Variants in TMEM65 observed in about 807,000 individuals in gnomAD.
The protein encoded by TMEM65 is transmembrane protein 65.
In TMEM65, 22 loss-of-function variants were observed where a neutral mutation model predicts 25.4. That is an observed-to-expected ratio of 0.86 (90% CI 0.62 to 1.23). TMEM65 has a LOEUF of 1.23. Ranked by LOEUF, TMEM65 falls within the 50% of genes most tolerant of loss-of-function variation. The pLI is 0.00. For synonymous variants in TMEM65, 132 were observed against 126.2 expected (o/e 1.05, Z -0.31); for missense variants, 262 against 308.2 (o/e 0.85, Z 1.12).
At chr8:124,334,827 C>T (rs1034962482) in intron 1 of TMEM65, among the ~76,000 whole-genome samples, 28 of 141,824 alleles carry the variant, frequency 2.0e-4, no homozygotes, top group Non-Finnish European at 1.5e-5. Context: ...GATAGGCTTA[C>T]AAGCAGAATG....
chr8:124,350,988 CA>C, intron 1 of TMEM65: 2 of 985,136 alleles, frequency 2.0e-6, no homozygotes, highest in Non-Finnish European at 2.4e-6. Context: ...GAAGTTCCAT[CA>C]AATAGATGCT....
rs375126591 is a variant in TMEM65 at position 124,349,264 on chromosome 8, T to C, written c.305-18472A>G. ...TTTGAAATTGAAATAAAACTGCAAT[T>C]AGCTAAAATACTAATATCCTTTTCA... is the stretch of plus-strand genomic sequence containing the variant. On this transcript the variant is annotated intron_variant, in intron 1 of 6. Transcript: ENST00000297632. Among the ~76,000 whole-genome samples, 5 of 152,192 alleles carry C rather than the reference T, an allele frequency of 3.3e-5. No individual in the cohort carries two copies. The East Asian group carries it at 7.7e-4, about 23-fold the overall frequency.
rs1814401557 is a variant in TMEM65 at position 124,329,082 on chromosome 8, G to A, written c.350-1661C>T. On this transcript the variant is annotated intron_variant, in intron 2 of 6. Coordinates refer to ENST00000297632, the MANE Select transcript of TMEM65 (RefSeq NM_194291.3). ...AATAGGTCATTTAAAATTTCGTCTT[G>A]TTTTAAGTAAAAATGTCCAAGATCA... Among the ~76,000 whole-genome samples, 4 of 150,376 alleles carry A rather than the reference G, an allele frequency of 2.7e-5. No individual in the cohort carries two copies. The South Asian group carries it at 8.5e-4, about 32-fold the overall frequency.
intron 3 of TMEM65, among the ~76,000 whole-genome samples, chr8:124,326,659 T>C (rs1814369263): frequency 6.6e-6 from 1 of 152,056 alleles, no homozygotes; most frequent in African/African-American, 2.4e-5. Context: ...AACAGAGCAC[T>C]GGGCAGTTTT....
intron 1 of TMEM65, among the ~76,000 whole-genome samples, chr8:124,352,290 A>G (rs984601195): frequency 8.5e-5 from 13 of 152,160 alleles, no homozygotes; most frequent in Non-Finnish European, 1.2e-4. Context: ...AATTATATAA[A>G]GCAGGGATTG....
Position 124,327,359 on chromosome 8 carries a change from C to T in TMEM65, c.412G>A (p.Val138Ile), listed in dbSNP as rs142970390. 7 of 1,598,760 alleles carry T rather than the reference C, an allele frequency of 4.4e-6. No homozygotes were observed. In the African/African-American group the frequency reaches 9.4e-5, roughly 22 times the overall value. The change falls in exon 3 of 7, where the codon GTT (valine) becomes ATT (isoleucine). Residue 138 changes from valine (V) to isoleucine (I), a missense_variant. Transcript: ENST00000297632. ...CAGTGAGAGAAAGAACTTACAGCAA[C>T]AATCATAATTGCATTATCCAAAAAG... ...FGFLDNAIMI[V>I]AGTHIEMSIG...
rs35830531 is a variant in TMEM65, at chr8:124,357,829, C to CTTTT, written c.304+14021_304+14024dup. Among the ~76,000 whole-genome samples the CTTTT allele has an allele frequency of 9.3e-4, 98 of 105,810 alleles. 2 individuals carry two copies. Among genetic ancestry groups the CTTTT allele is most frequent in the East Asian group, 1.8e-3 (6 of 3,350 alleles). 69.4% of individuals were successfully genotyped at this position (105,810 alleles called of 152,430 possible). On this transcript the variant is annotated intron_variant, in intron 1 of 6. Coordinates refer to ENST00000297632, the MANE Select transcript of TMEM65 (RefSeq NM_194291.3). ...TTTATATATATTTTTACTTTTTTAT[C>CTTTT]TTTTTTTTTTTTTTTTTTGAGATGG...
In TMEM65 at chr8:124,311,124, T is replaced by C. The variant is rs1814153195; in HGVS notation, c.*2836A>G. The C allele has an allele frequency of 6.6e-6, 1 of 152,190 alleles. No individual in the cohort carries two copies. The highest frequency in any genetic ancestry group is 6.5e-5 in the Admixed American group (1 of 15,270). The allele number at this position is 152,190 out of a possible 1,614,324, so 9.4% of individuals were successfully genotyped here. A position where few individuals can be genotyped will look rare whatever the true frequency, so the allele number is the denominator to read the frequency against. ...CTATTACATAAACAGCTTGGATATA[T>C]CTGCTGTAAATACCCATCAGTGTGA... is the stretch of plus-strand genomic sequence containing the variant. On this transcript the variant is annotated 3_prime_UTR_variant, in exon 7 of 7. Transcript: ENST00000297632.
chr8:124,356,998 G>A (rs1018568024), intron 1 of TMEM65, among the ~76,000 whole-genome samples: 1 of 151,496 alleles, frequency 6.6e-6, no homozygotes, highest in Non-Finnish European at 1.5e-5. Context: ...GTGAGCCACC[G>A]TTCCTGGTCT....
In TMEM65 at chr8:124,371,910, TC is replaced by T; in HGVS notation, c.247del (p.Glu83ArgfsTer32). The T allele has an allele frequency of 6.5e-7, 1 of 1,547,500 alleles. No homozygotes were observed. On this transcript the variant is annotated frameshift_variant, in exon 1 of 7. Coordinates refer to ENST00000297632, the MANE Select transcript of TMEM65 (RefSeq NM_194291.3). LOFTEE classifies it high-confidence loss of function. The stretch of plus-strand genomic sequence containing the variant: ...CAGCTCTTTGAGCAGGCAGCTCCTC[TC>T]CGTGGAGTGCAGGCTGTAGATGAAG... ...RDFIYSLHST[E>X]RSCLLKELHR... is the part of the protein sequence containing the mutation.
intron 4 of TMEM65, 79 bp from the exon 5 acceptor site, chr8:124,322,226 T>C: frequency 9.3e-7 from 1 of 1,073,708 alleles, no homozygotes; most frequent in South Asian, 1.5e-5. Context: ...AGCACTGATC[T>C]TGGAAGAGTT....
rs976187284 is a variant in TMEM65, at chr8:124,361,707, G to T, written c.304+10147C>A. On this transcript the variant is annotated intron_variant, in intron 1 of 6. Transcript: ENST00000297632. ...AAAAATTAGCCGGGAATGGTGGCAT[G>T]CACCTGTAATCCCAGCTACTCAGCA... 1.4e-4 allele frequency among the ~76,000 whole-genome samples: 21 copies of T among 150,912 alleles called. No homozygotes were observed. The East Asian group carries it at 4.0e-3, about 29-fold the overall frequency.
chr8:124,371,863 T>C lies in TMEM65; in HGVS notation c.295A>G (p.Ile99Val). Reference sequence around the variant, plus strand: ...CACCTGCCCCCCTTACCTTGGGCAATGGCAATAGACTCGAAGCGGTGCAGC... The same window carrying C: ...CACCTGCCCCCCTTACCTTGGGCAACGGCAATAGACTCGAAGCGGTGCAGC... Reference protein sequence around the residue: ...KELHRFESIAIAQEKLEAPPP... With the variant: ...KELHRFESIAVAQEKLEAPPP... Residue 99 changes from isoleucine to valine, a missense_variant, in exon 1 of 7, where the codon ATT becomes GTT. Ile to Val is a conservative substitution (Grantham distance 29). Coordinates refer to ENST00000297632, the MANE Select transcript of TMEM65 (RefSeq NM_194291.3). The C allele has an allele frequency of 2.0e-6, 3 of 1,536,552 alleles. No individual in the cohort carries two copies. Among genetic ancestry groups the C allele is most frequent in the Non-Finnish European group, 2.6e-6 (3 of 1,147,274 alleles).
chr8:124,366,575 G>A (rs1207647738), intron 1 of TMEM65, among the ~76,000 whole-genome samples: 1 of 150,908 alleles, frequency 6.6e-6, no homozygotes, highest in Non-Finnish European at 1.5e-5. Flanking sequence ...CTCTGTACCT[G>A]CAACTGCCTA....
At chr8:124,334,084 A>G (rs1314142359) in intron 1 of TMEM65, among the ~76,000 whole-genome samples, 1 of 152,250 alleles carries the variant, frequency 6.6e-6, no homozygotes, top group Non-Finnish European at 1.5e-5. Context: ...GCATCCCACA[A>G]GAGTTTGCAG....
At chr8:124,323,821 A>G (rs959653056) in intron 3 of TMEM65, among the ~76,000 whole-genome samples, 2 of 152,084 alleles carry the variant, frequency 1.3e-5, no homozygotes, top group African/African-American at 4.8e-5. Flanking sequence ...GGGTTTATAA[A>G]ATTATCCTTA....
intron 1 of TMEM65, among the ~76,000 whole-genome samples, chr8:124,349,898 T>C (rs904843322): frequency 6.6e-6 from 1 of 152,142 alleles, no homozygotes; most frequent in African/African-American, 2.4e-5. Context: ...AGAATAAAAT[T>C]TGAATTTTAT....
intron 1 of TMEM65, among the ~76,000 whole-genome samples, chr8:124,345,919 T>C (rs1357341293): frequency 6.6e-6 from 1 of 152,032 alleles, no homozygotes; most frequent in African/African-American, 2.4e-5. Context: ...AATTTTTGTA[T>C]ATTTTTTAGC....
At chr8:124,319,321 T>C (rs1814277536) in intron 6 of TMEM65, among the ~76,000 whole-genome samples, 1 of 152,152 alleles carries the variant, frequency 6.6e-6, no homozygotes, top group Admixed American at 6.6e-5. Flanking sequence ...GATGGCATCA[T>C]GATCCATCCA....
Sources: gnomAD v4.1 joint callset for allele counts (sites outside exome capture counted in the v4.1 genomes callset) on GRCh38, gnomAD v4.1.1 for gene constraint, MANE v1.5 for transcripts, NCBI Gene and HGNC (gene_info 2026-07-23, HGNC 2026-07-21) for gene names.